Variants in LRRC1 observed in about 807,000 individuals in gnomAD.
The protein encoded by LRRC1 is leucine-rich repeat-containing protein 1.
LRRC1 carries 28 observed loss-of-function variants against 69.9 expected under a neutral mutation model. The observed-to-expected ratio is 0.40, with a 90% confidence interval of 0.30 to 0.55. The LOEUF is 0.55. LRRC1 is among the 20% of genes least tolerant of loss of function. The pLI is 0.47. For synonymous variants in LRRC1, 236 were observed against 240.2 expected, an observed-to-expected ratio of 0.98 and a Z score of 0.16; for missense variants, 498 against 609.0, an observed-to-expected ratio of 0.82 and a Z score of 1.92.
At chr6:53,892,005 T>A (rs977724864) in intron 4 of LRRC1, among the ~76,000 whole-genome samples, 2 of 71,660 alleles carry the variant, frequency 2.8e-5, no homozygotes, top group East Asian at 7.4e-4. Flanking sequence ...AAAAAATATA[T>A]ATATATACAC....
chr6:53,872,352 A>G (rs1235968783), intron 2 of LRRC1, among the ~76,000 whole-genome samples: 3 of 152,110 alleles, frequency 2.0e-5, no homozygotes, highest in African/African-American at 7.2e-5. Context: ...TTTTGGTTCA[A>G]CCATCAACCA....
At chr6:53,820,434 A>G (rs150426793) in intron 1 of LRRC1, among the ~76,000 whole-genome samples, 44 of 148,480 alleles carry the variant, frequency 3.0e-4, no homozygotes, top group African/African-American at 1.1e-3. Context: ...TGGTAGGCAC[A>G]GTGCTGGTCA....
chr6:53,896,559 G>T lies in LRRC1; in HGVS notation c.503+5G>T. The T allele has an allele frequency of 6.2e-7, 1 of 1,609,154 alleles. No homozygotes were observed. The highest frequency in any genetic ancestry group is 8.5e-7 in the Non-Finnish European group (1 of 1,175,674). On this transcript the variant is annotated splice_donor_5th_base_variant and intron_variant, in intron 5 of 13. Coordinates refer to ENST00000370888, the MANE Select transcript of LRRC1 (RefSeq NM_018214.5). Reference sequence around the variant, plus strand: ...TCTTCTTACATATCTTCCTGAGTGAGTCTTTGGGGAAAATAAGAGGAGATT... The same window carrying T: ...TCTTCTTACATATCTTCCTGAGTGATTCTTTGGGGAAAATAAGAGGAGATT...
intron 7 of LRRC1, 34 bp downstream of exon 7, chr6:53,897,393 A>G (rs1467933122): frequency 7.1e-7 from 1 of 1,413,038 alleles, no homozygotes; most frequent in Admixed American, 1.7e-5. Context: ...TCCCCAAAAC[A>G]TAAAACAGCA....
intron 10 of LRRC1, among the ~76,000 whole-genome samples, chr6:53,909,300 C>G (rs1308720076): frequency 1.3e-5 from 2 of 152,168 alleles, no homozygotes; most frequent in Non-Finnish European, 2.9e-5. Flanking sequence ...GTCACTTGTC[C>G]AGAGTCACAC....
chr6:53,899,676 T>TTTGTTCCAGAGG lies in LRRC1; in HGVS notation c.643-71_643-70insTTGTTCCAGAGG. ...CGCCCTGGGATTTAATTGTGAAAAA[T>TTTGTTCCAGAGG]CACTGGAACAAATGCCTCTGCACTG... On this transcript the variant is annotated intron_variant, in intron 7 of 13. Transcript: ENST00000370888. 3 of 1,461,542 alleles carry TTTGTTCCAGAGG rather than the reference T, an allele frequency of 2.1e-6. No individual in the cohort carries two copies. In the Admixed American group the frequency reaches 6.1e-5, roughly 30 times the overall value. 90.5% of individuals were successfully genotyped at this position (1,461,542 alleles called of 1,614,324 possible).
chr6:53,875,696 C>T (rs1181250406), intron 2 of LRRC1, among the ~76,000 whole-genome samples: 1 of 152,060 alleles, frequency 6.6e-6, no homozygotes, highest in Admixed American at 6.5e-5. Flanking sequence ...CAACAGAATG[C>T]CATCAGTGCT....
chr6:53,848,902 C>T (rs989657989), intron 2 of LRRC1, among the ~76,000 whole-genome samples: 20 of 152,118 alleles, frequency 1.3e-4, no homozygotes, highest in South Asian at 2.1e-4. Context: ...AGATTACAGG[C>T]GTGTGCCACC....
intron 3 of LRRC1, among the ~76,000 whole-genome samples, chr6:53,881,127 T>C (rs1767277236): frequency 6.6e-6 from 1 of 152,232 alleles, no homozygotes; most frequent in Non-Finnish European, 1.5e-5. Context: ...AGTAAAGCCA[T>C]TTTAATTTGG....
At chr6:53,841,976 C>A in intron 1 of LRRC1, 134 bp from the exon 2 acceptor site, 1 of 585,776 alleles carries the variant, frequency 1.7e-6, no homozygotes, top group Non-Finnish European at 3.0e-6. Context: ...ACAGTACTGC[C>A]ATCAAAGTTA....
At chr6:53,815,657 A>G (rs755010166) in intron 1 of LRRC1, among the ~76,000 whole-genome samples, 2 of 152,166 alleles carry the variant, frequency 1.3e-5, no homozygotes, top group Non-Finnish European at 2.9e-5. Flanking sequence ...TGGTCTGTTC[A>G]TGTTGAGTCT....
At chr6:53,911,601 A>C (rs1768411293) in intron 10 of LRRC1, among the ~76,000 whole-genome samples, 1 of 152,198 alleles carries the variant, frequency 6.6e-6, no homozygotes, top group Admixed American at 6.5e-5. Context: ...TCAGGACGCT[A>C]GCGGGGGTCT....
chr6:53,887,974 A>G (rs974722493), intron 4 of LRRC1, among the ~76,000 whole-genome samples: 1 of 152,248 alleles, frequency 6.6e-6, no homozygotes, highest in Non-Finnish European at 1.5e-5. Context: ...TGCCTAGTCA[A>G]CAATGGCTTT....
At chr6:53,839,377 CAT>C (rs1397439863) in intron 1 of LRRC1, among the ~76,000 whole-genome samples, 2 of 152,102 alleles carry the variant, frequency 1.3e-5, no homozygotes, top group African/African-American at 4.8e-5. Context: ...ACAAAATTAA[CAT>C]TTGGAGCATC....
At chr6:53,904,534 T>C (rs1423885173) in intron 10 of LRRC1, 72 bp downstream of exon 10, 2 of 1,072,654 alleles carry the variant, frequency 1.9e-6, no homozygotes, top group Non-Finnish European at 1.4e-6. Context: ...GGATCAAAAA[T>C]GTCAAATGCT....
intron 2 of LRRC1, among the ~76,000 whole-genome samples, chr6:53,844,099 G>C (rs573478979): frequency 1.3e-5 from 2 of 152,238 alleles, no homozygotes; most frequent in East Asian, 3.9e-4. Flanking sequence ...AGTATGGGGT[G>C]GGGTGGGCAT....
At chr6:53,814,215 T>C (rs1214178918) in intron 1 of LRRC1, among the ~76,000 whole-genome samples, 1 of 152,254 alleles carries the variant, frequency 6.6e-6, no homozygotes, top group Non-Finnish European at 1.5e-5. Flanking sequence ...TAAAATCTTC[T>C]ATTTTCTTAG....
chr6:53,878,105 C>G (rs954001043), intron 2 of LRRC1, among the ~76,000 whole-genome samples: 23 of 152,072 alleles, frequency 1.5e-4, no homozygotes, highest in Admixed American at 4.6e-4. Flanking sequence ...AGGAAAACTC[C>G]CCCTTATAAT....
chr6:53,833,370 G>A (rs1333552961), intron 1 of LRRC1, among the ~76,000 whole-genome samples: 3 of 152,084 alleles, frequency 2.0e-5, no homozygotes, highest in East Asian at 3.8e-4. Context: ...CAACCTTGGG[G>A]CATTTATATC....
Sources: gnomAD v4.1 joint callset for allele counts (sites outside exome capture counted in the v4.1 genomes callset) on GRCh38, gnomAD v4.1.1 for gene constraint, MANE v1.5 for transcripts, NCBI Gene and HGNC (gene_info 2026-07-23, HGNC 2026-07-21) for gene names.